Variants in SRP9 observed in about 807,000 individuals in gnomAD.
SRP9 encodes the protein signal recognition particle 9, also known as signal recognition particle 9 kDa protein.
Under a neutral mutation model 11.7 loss-of-function variants are expected in SRP9, and 2 were observed. That is an observed-to-expected ratio of 0.17 (90% confidence interval 0.07 to 0.54). The LOEUF is 0.54. Ranked by LOEUF, SRP9 falls within the 20% of genes least tolerant of loss-of-function variation. The pLI is 0.94. For missense variants in SRP9, 54 were observed against 108.1 expected, an observed-to-expected ratio of 0.50 and a Z score of 2.22; for synonymous variants, 27 against 35.6, an observed-to-expected ratio of 0.76 and a Z score of 0.86.
Position 225,789,193 on chromosome 1 carries a change from G to A in SRP9, c.142-47G>A, listed in dbSNP as rs747881191. The A allele has an allele frequency of 3.8e-6, 6 of 1,583,174 alleles. No homozygotes were observed. In the Admixed American group the frequency reaches 5.4e-5, roughly 14 times the overall value. On this transcript the variant is annotated intron_variant, in intron 2 of 2. Coordinates refer to ENST00000304786, the MANE Select transcript of SRP9 (RefSeq NM_003133.6). ...CAATTGTATGTTTTCTACATTGTCA[G>A]TATCTAGTTTTATATAGTTAATATG...
Position 225,790,449 on chromosome 1 carries a change from AATATT to A in SRP9, c.*1092_*1096del, listed in dbSNP as rs1179446289. The A allele has an allele frequency of 6.6e-6, 1 of 152,224 alleles. No individual in the cohort carries two copies. The highest frequency in any genetic ancestry group is 2.4e-5 in the African/African-American group (1 of 41,458). The allele number at this position is 152,224 out of a possible 1,614,324, so 9.4% of individuals were successfully genotyped here. The stretch of plus-strand genomic sequence containing the variant: ...ATGTTTCAGAGAGATCAGTAAATAA[AATATT>A]AGATAAAATATATATTGTTTGTGTT... On this transcript the variant is annotated 3_prime_UTR_variant, in exon 3 of 3. Coordinates refer to ENST00000304786, the MANE Select transcript of SRP9 (RefSeq NM_003133.6).
At chr1:225,781,642 ACTC>A (rs1665803514) in intron 1 of SRP9, among the ~76,000 whole-genome samples, 1 of 150,404 alleles carries the variant, frequency 6.6e-6, no homozygotes, top group South Asian at 2.1e-4. Flanking sequence ...TCGTGAGTGA[ACTC>A]CTGCCCTCCC....
In SRP9 at chr1:225,787,038, C is replaced by A. The variant is rs538840969; in HGVS notation, c.142-2202C>A. The A allele has an allele frequency of 2.5e-5, 8 of 321,862 alleles. No homozygotes were observed. The East Asian group carries it at 7.9e-4, about 32-fold the overall frequency. 19.9% of individuals were successfully genotyped at this position (321,862 alleles called of 1,614,324 possible). On this transcript the variant is annotated intron_variant, in intron 2 of 2. Coordinates refer to ENST00000304786, the MANE Select transcript of SRP9 (RefSeq NM_003133.6). ...TTAAATTTTTTTGTCAAGACAGGGTCTCATTATATTGCCCAGGTTGATCTG... is the reference window on the plus strand; with the variant it reads ...TTAAATTTTTTTGTCAAGACAGGGTATCATTATATTGCCCAGGTTGATCTG...
At chr1:225,781,806 C>T (rs1050602092) in intron 1 of SRP9, among the ~76,000 whole-genome samples, 11 of 152,178 alleles carry the variant, frequency 7.2e-5, no homozygotes, top group Admixed American at 1.3e-4. Context: ...TTAAGTGTTT[C>T]GTTTCTAGAG....
At chr1:225,785,994 A>T (rs531666016) in intron 2 of SRP9, among the ~76,000 whole-genome samples, 5 of 152,292 alleles carry the variant, frequency 3.3e-5, no homozygotes, top group Admixed American at 6.5e-5. Flanking sequence ...CCCCAGAGTG[A>T]TTTCTGAAAG....
intron 2 of SRP9, chr1:225,789,027 T>C: frequency 6.4e-7 from 1 of 1,550,700 alleles, no homozygotes; most frequent in East Asian, 2.4e-5. Flanking sequence ...CAGTTTTTTG[T>C]CCACAGCAGT....
In SRP9 at chr1:225,789,461, G is replaced by C; in HGVS notation, c.*102G>C. 7.2e-7 allele frequency: 1 copy of C among 1,395,184 alleles called. No individual in the cohort carries two copies. The highest frequency in any genetic ancestry group is 9.7e-7 in the Non-Finnish European group (1 of 1,034,602). The allele number at this position is 1,395,184 out of a possible 1,614,324, so 86.4% of individuals were successfully genotyped here. A position where few individuals can be genotyped will look rare whatever the true frequency, so the allele number is the denominator to read the frequency against. On this transcript the variant is annotated 3_prime_UTR_variant, in exon 3 of 3. Transcript: ENST00000304786. ...AGTACTTTATGTAACTAAGTGGGCTGTTCAGAAGCTTAGAGGTCATTTTTT... is the reference window on the plus strand; with the variant it reads ...AGTACTTTATGTAACTAAGTGGGCTCTTCAGAAGCTTAGAGGTCATTTTTT...
rs77533723 is a variant in SRP9 at position 225,781,201 on chromosome 1, G to T, written c.73-2099G>T. On this transcript the variant is annotated intron_variant, in intron 1 of 2. Transcript: ENST00000304786. ...TCCTTTTTCCCAGTCTAAGTTACTT[G>T]TTTTCTCTCTTTAGCATTTTATCTG... 4.1e-3 allele frequency among the ~76,000 whole-genome samples: 625 copies of T among 152,100 alleles called. 2 individuals carry two copies. The highest frequency in any genetic ancestry group is 7.3e-3 in the Non-Finnish European group (494 of 67,990).
intron 1 of SRP9, among the ~76,000 whole-genome samples, chr1:225,782,843 A>G (rs1665826534): frequency 6.6e-6 from 1 of 152,228 alleles, no homozygotes; most frequent in Non-Finnish European, 1.5e-5. Flanking sequence ...AAAAATGGAA[A>G]GTGTGAGTTG....
At position 225,780,805 on chromosome 1, in the gene SRP9, T is replaced by C. The variant is rs149482255; in HGVS notation, c.73-2495T>C. ...ATTATACCCAGTATCTTTTTACCAC[T>C]CTGTCTTGTATTGCTGTAATTGAAG... On this transcript the variant is annotated intron_variant, in intron 1 of 2. Transcript: ENST00000304786. Among the ~76,000 whole-genome samples, 116 of 152,354 alleles carry C rather than the reference T, an allele frequency of 7.6e-4. 2 individuals carry two copies. The highest frequency in any genetic ancestry group is 2.7e-3 in the African/African-American group (111 of 41,568).
intron 1 of SRP9, among the ~76,000 whole-genome samples, chr1:225,780,133 C>CCTCCTGAGTAGCTGAGACTA (rs1171796751): frequency 6.6e-6 from 1 of 151,442 alleles, no homozygotes; most frequent in Non-Finnish European, 1.5e-5. Context: ...CCCACCTCAG[C>CCTCCTGAGTAGCTGAGACTA]CTCCTGAGTA....
Position 225,777,849 on chromosome 1 carries a change from A to G in SRP9, c.-92A>G. On this transcript the variant is annotated 5_prime_UTR_variant, in exon 1 of 3. Transcript: ENST00000304786. The stretch of plus-strand genomic sequence containing the variant: ...GCGCCGCCATCTTGGGGCTGCTGGG[A>G]CTCGCGTCGGTTGGCGACTCCCGGA... 7.9e-7 allele frequency: 1 copy of G among 1,270,648 alleles called. No homozygotes were observed. Among genetic ancestry groups the G allele is most frequent in the Non-Finnish European group, 1.1e-6 (1 of 887,888 alleles). The allele number at this position is 1,270,648 out of a possible 1,614,324, so 78.7% of individuals were successfully genotyped here.
Position 225,777,877 on chromosome 1 carries a change from T to C in SRP9, c.-64T>C. On this transcript the variant is annotated 5_prime_UTR_variant, in exon 1 of 3. Transcript: ENST00000304786. Reference sequence around the variant, plus strand: ...CGCGTCGGTTGGCGACTCCCGGACGTAGGTAGTTTGTTGGGCCGGGTTCTG... The same window carrying C: ...CGCGTCGGTTGGCGACTCCCGGACGCAGGTAGTTTGTTGGGCCGGGTTCTG... 2 of 1,482,978 alleles carry C rather than the reference T, an allele frequency of 1.3e-6. No homozygotes were observed. Among genetic ancestry groups the C allele is most frequent in the Admixed American group, 1.8e-5 (1 of 55,792 alleles). 91.9% of individuals were successfully genotyped at this position (1,482,978 alleles called of 1,614,324 possible).
At chr1:225,787,845 C>T (rs927355832) in intron 2 of SRP9, among the ~76,000 whole-genome samples, 1 of 152,080 alleles carries the variant, frequency 6.6e-6, no homozygotes, top group Non-Finnish European at 1.5e-5. Context: ...GATTGCCGCA[C>T]AAATTTGTAC....
rs59464847 is a variant in SRP9, at chr1:225,785,679, C to CTTTTT, written c.141+2327_141+2331dup. Among the ~76,000 whole-genome samples the CTTTTT allele has an allele frequency of 1.3e-4, 16 of 123,078 alleles. 2 individuals carry two copies. Among genetic ancestry groups the CTTTTT allele is most frequent in the Non-Finnish European group, 1.7e-4 (10 of 59,848 alleles). 80.7% of individuals were successfully genotyped at this position (123,078 alleles called of 152,430 possible). On this transcript the variant is annotated intron_variant, in intron 2 of 2. Coordinates refer to ENST00000304786, the MANE Select transcript of SRP9 (RefSeq NM_003133.6). ...ATAGGCGTGAGCCACTGTGCCTGGA[C>CTTTTT]TTTTTTTTTTTTTTTTTTTTAAAGA...
In SRP9 at chr1:225,788,380, C is replaced by G. The variant is rs187289407; in HGVS notation, c.142-860C>G. On this transcript the variant is annotated intron_variant, in intron 2 of 2. Transcript: ENST00000304786. ...CCAACCTGGGCCACAGAGTGAGACA[C>G]TGTCTCAAAAATACATACCTTCAGC... is the stretch of plus-strand genomic sequence containing the variant. Among the ~76,000 whole-genome samples, 536 of 151,496 alleles carry G rather than the reference C, an allele frequency of 3.5e-3. 10 individuals carry two copies. Among genetic ancestry groups the G allele is most frequent in the African/African-American group, 0.012 (488 of 41,342 alleles).
chr1:225,785,264 G>A (rs1202248289), intron 2 of SRP9, among the ~76,000 whole-genome samples: 1 of 144,384 alleles, frequency 6.9e-6, no homozygotes, highest in Non-Finnish European at 1.5e-5. Flanking sequence ...TTTTAGTAGA[G>A]ACGGGGTTTT....
At chr1:225,780,005 G>A (rs1211195062) in intron 1 of SRP9, among the ~76,000 whole-genome samples, 3 of 152,142 alleles carry the variant, frequency 2.0e-5, no homozygotes, top group Non-Finnish European at 4.4e-5. Context: ...GTCTAGAATA[G>A]ACAAGAAAGA....
At chr1:225,780,440 C>T (rs947104246) in intron 1 of SRP9, among the ~76,000 whole-genome samples, 8 of 151,996 alleles carry the variant, frequency 5.3e-5, no homozygotes, top group South Asian at 2.1e-4. Context: ...AGGGCAGTGG[C>T]GCCATCTTGG....
Sources: allele counts gnomAD v4.1 joint callset (sites outside exome capture counted in the v4.1 genomes callset), GRCh38; gene constraint gnomAD v4.1.1; transcripts MANE v1.5; gene names NCBI Gene and HGNC (gene_info 2026-07-23, HGNC 2026-07-21).